GULP1: variants seen among roughly 807,000 people sequenced by gnomAD.
GULP1 encodes the protein GULP PTB domain containing engulfment adaptor 1.
Under a neutral mutation model 40.9 loss-of-function variants are expected in GULP1, and 19 were observed. That is an observed-to-expected ratio of 0.46 (90% CI 0.32 to 0.68). The LOEUF is 0.68. Among genes scored for constraint, GULP1 ranks in the 30% least tolerant of loss-of-function variants. The pLI is 0.03. For synonymous variants in GULP1, 119 were observed against 117.6 expected (o/e 1.01, Z -0.08); for missense variants, 312 against 362.2 (o/e 0.86, Z 1.12).
intron 1 of GULP1, among the ~76,000 whole-genome samples, chr2:188,339,040 G>A (rs2042645196): frequency 6.6e-6 from 1 of 152,174 alleles, no homozygotes; most frequent in Non-Finnish European, 1.5e-5. Flanking sequence ...CAGTGCCTCT[G>A]TAGGTAAAAA....
intron 7 of GULP1, among the ~76,000 whole-genome samples, chr2:188,564,530 C>T (rs1162107416): frequency 6.6e-6 from 1 of 151,842 alleles, no homozygotes; most frequent in Admixed American, 6.6e-5. Flanking sequence ...TGCAAGCCCT[C>T]TATACTGAAA....
intron 2 of GULP1, among the ~76,000 whole-genome samples, chr2:188,427,466 A>G (rs1325133363): frequency 3.3e-5 from 5 of 152,206 alleles, no homozygotes; most frequent in East Asian, 1.9e-4. Context: ...GGAGAACTCA[A>G]TCGTTTCATG....
At chr2:188,497,706 T>C (rs2063038682) in intron 4 of GULP1, among the ~76,000 whole-genome samples, 1 of 151,820 alleles carries the variant, frequency 6.6e-6, no homozygotes, top group African/African-American at 2.4e-5. Context: ...CACAGTCTCA[T>C]GGAAGAAACC....
At chr2:188,588,412 A>G in intron 11 of GULP1, 1 of 162,424 alleles carries the variant, frequency 6.2e-6, no homozygotes, top group Non-Finnish European at 1.4e-5. Flanking sequence ...TTTATTTAAA[A>G]AGCAAACAAC....
intron 4 of GULP1, among the ~76,000 whole-genome samples, chr2:188,500,352 G>A (rs927296863): frequency 6.6e-5 from 10 of 151,872 alleles, no homozygotes; most frequent in Admixed American, 1.3e-4. Flanking sequence ...GATCAATAAT[G>A]TCTACCTTGT....
At chr2:188,478,023 T>G (rs909827245) in intron 3 of GULP1, among the ~76,000 whole-genome samples, 1 of 152,144 alleles carries the variant, frequency 6.6e-6, no homozygotes, top group African/African-American at 2.4e-5. Flanking sequence ...TCTGAAACTT[T>G]GTCCTAACTT....
rs66732509 is a variant in GULP1 at position 188,456,428 on chromosome 2, G to A, written c.-44-21231G>A. ...CCGCTCCGCCATCGCTGAAATGGACGAATGTAGAGCTTGGACTGTGGCTTC... is the reference window on the plus strand; with the variant it reads ...CCGCTCCGCCATCGCTGAAATGGACAAATGTAGAGCTTGGACTGTGGCTTC... On this transcript the variant is annotated intron_variant, in intron 2 of 11. Transcript: ENST00000409830. Among the ~76,000 whole-genome samples the A allele has an allele frequency of 8.5e-5, 13 of 152,080 alleles. No homozygotes were observed. In the South Asian group the frequency reaches 2.3e-3, roughly 27 times the overall value.
intron 4 of GULP1, among the ~76,000 whole-genome samples, chr2:188,518,154 A>G (rs1295574811): frequency 6.6e-6 from 1 of 152,128 alleles, no homozygotes; most frequent in East Asian, 1.9e-4. Flanking sequence ...TAAGCCTTTA[A>G]CCAGTGTCTT....
At position 188,578,849 on chromosome 2, in the gene GULP1, A is replaced by G. The variant is rs1415382100; in HGVS notation, c.610-5416A>G. ...AGAAAGACCAAAATAAAATTCCTCA[A>G]ACTGATTTTCTTCTCAACAATGTAT... On this transcript the variant is annotated intron_variant, in intron 9 of 11. Coordinates refer to ENST00000409830, the MANE Select transcript of GULP1 (RefSeq NM_016315.4). 3.3e-5 allele frequency among the ~76,000 whole-genome samples: 5 copies of G among 152,190 alleles called. No homozygotes were observed. In the East Asian group the frequency reaches 9.6e-4, roughly 29 times the overall value.
At chr2:188,508,580 G>C (rs901619048) in intron 4 of GULP1, among the ~76,000 whole-genome samples, 8 of 151,856 alleles carry the variant, frequency 5.3e-5, no homozygotes, top group Admixed American at 2.6e-4. Flanking sequence ...ACAATTGTCA[G>C]GACCCCACCA....
At chr2:188,300,664 T>C (rs146239177) in intron 1 of GULP1, among the ~76,000 whole-genome samples, 386 of 152,290 alleles carry the variant, frequency 2.5e-3, no homozygotes, top group African/African-American at 8.0e-3. Flanking sequence ...TTAAAATTAG[T>C]TTATTATTGA....
chr2:188,582,698 T>C (rs1297087966), intron 9 of GULP1: 1 of 351,218 alleles, frequency 2.8e-6, no homozygotes, highest in East Asian at 7.5e-5. Context: ...CTGGAGCCTT[T>C]GTGTGCCATT....
chr2:188,315,264 T>C (rs568922501), intron 1 of GULP1, among the ~76,000 whole-genome samples: 15 of 152,260 alleles, frequency 9.9e-5, no homozygotes, highest in African/African-American at 3.6e-4. Flanking sequence ...CAGTATGTTG[T>C]TGTAATTGTT....
chr2:188,569,749 C>T, intron 8 of GULP1: 1 of 350,496 alleles, frequency 2.9e-6, no homozygotes, highest in East Asian at 7.0e-5. Context: ...GGTTATATTC[C>T]AAGATTATGG....
At chr2:188,540,249 T>G (rs907982770) in intron 6 of GULP1, among the ~76,000 whole-genome samples, 1 of 152,050 alleles carries the variant, frequency 6.6e-6, no homozygotes, top group African/African-American at 2.4e-5. Flanking sequence ...CTTTTCTACC[T>G]CCAACATGTT....
intron 1 of GULP1, among the ~76,000 whole-genome samples, chr2:188,341,309 A>C (rs1455090854): frequency 6.6e-6 from 1 of 152,090 alleles, no homozygotes; most frequent in Non-Finnish European, 1.5e-5. Flanking sequence ...GGTGCCGCAC[A>C]CTTCTAAACA....
At chr2:188,593,073 G>A (rs1703896484) in intron 11 of GULP1, 1 of 152,062 alleles carries the variant, frequency 6.6e-6, no homozygotes, top group South Asian at 2.1e-4. Flanking sequence ...GACCTACAAT[G>A]TAACCTCCAC....
At chr2:188,297,956 C>T (rs988960112) in intron 1 of GULP1, among the ~76,000 whole-genome samples, 1 of 151,858 alleles carries the variant, frequency 6.6e-6, no homozygotes, top group Non-Finnish European at 1.5e-5. Flanking sequence ...CAAGAGATAC[C>T]ATGTTTTAAG....
chr2:188,381,792 G>A (rs2049035302), intron 1 of GULP1, among the ~76,000 whole-genome samples: 2 of 152,224 alleles, frequency 1.3e-5, no homozygotes, highest in African/African-American at 2.4e-5. Flanking sequence ...TTTTAACTAT[G>A]TGTCATGCTT....
Sources: gnomAD v4.1 joint callset for allele counts (sites outside exome capture counted in the v4.1 genomes callset) on GRCh38, gnomAD v4.1.1 for gene constraint, MANE v1.5 for transcripts, NCBI Gene and HGNC (gene_info 2026-07-23, HGNC 2026-07-21) for gene names.